Variants in FMO5 observed in about 807,000 individuals in gnomAD.
FMO5 encodes flavin containing dimethylaniline monoxygenase 5.
FMO5 carries 51 observed loss-of-function variants against 43.6 expected under a neutral mutation model. The ratio of observed to expected loss-of-function variants is 1.17; its 90% CI spans 0.93 to 1.48. The LOEUF is 1.48. Among genes scored for constraint, FMO5 ranks in the 40% most tolerant of loss-of-function variants. The probability of loss-of-function intolerance (pLI) is 0.00; values close to 1 mark genes in which losing one functional copy is unlikely to be tolerated. For missense variants in FMO5, 644 were observed against 643.0 expected, an observed-to-expected ratio of 1.00 and a Z score of -0.02; for synonymous variants, 187 against 216.5, an observed-to-expected ratio of 0.86 and a Z score of 1.20.
chr1:147,187,346 T>G, intron 8 of FMO5, 101 bp from the exon 9 acceptor site: 1 of 780,468 alleles, frequency 1.3e-6, no homozygotes, highest in Non-Finnish European at 2.0e-6. Flanking sequence ...AATATCAGAC[T>G]AGGAGCTGTG....
chr1:147,222,882 G>A (rs1200884075), intron 2 of FMO5, among the ~76,000 whole-genome samples: 2 of 152,152 alleles, frequency 1.3e-5, no homozygotes, highest in African/African-American at 4.8e-5. Flanking sequence ...TTGATTTCAT[G>A]CCTTTTCAGT....
intron 7 of FMO5, among the ~76,000 whole-genome samples, chr1:147,193,736 C>A (rs1657372428): frequency 6.6e-6 from 1 of 152,100 alleles, no homozygotes; most frequent in Non-Finnish European, 1.5e-5. Flanking sequence ...CAAAGAACAT[C>A]TTTATTTCTG....
chr1:147,200,046 T>TC lies in FMO5; in HGVS notation c.1183+1105dup, dbSNP rs587595262. On this transcript the variant is annotated intron_variant, in intron 7 of 8. Transcript: ENST00000254090. ...TGAGGCTTGAATCTACTCCATACCTTCCCCCTCTCCTGCCCCGGCCCAGTG... is the reference window on the plus strand; with the variant it reads ...TGAGGCTTGAATCTACTCCATACCTTCCCCCCTCTCCTGCCCCGGCCCAGTG... Among the ~76,000 whole-genome samples the TC allele has an allele frequency of 6.0e-3, 908 of 152,180 alleles. 4 individuals are homozygous for TC. The highest frequency in any genetic ancestry group is 0.01 in the Middle Eastern group (3 of 294).
In FMO5 at chr1:147,191,844, G is replaced by A. The variant is rs190311326; in HGVS notation, c.1184-1595C>T. Among the ~76,000 whole-genome samples the A allele has an allele frequency of 4.2e-3, 642 of 152,084 alleles. 4 individuals are homozygous for A. The highest frequency in any genetic ancestry group is 0.018 in the South Asian group (88 of 4,810). ...GTAGACATGCGGCATTATTTCTGAG[G>A]GCTCTGTCCTGTTCCATTGATCTAT... On this transcript the variant is annotated intron_variant, in intron 7 of 8. Transcript: ENST00000254090.
downstream of FMO5, among the ~76,000 whole-genome samples, chr1:147,184,944 AT>A (rs1257807402): frequency 4.6e-5 from 7 of 152,172 alleles, no homozygotes; most frequent in African/African-American, 1.7e-4. The surrounding 1 kb of genome is among the most constrained non-coding windows in gnomAD (Gnocchi z 4.4). Context: ...TACCCCATTT[AT>A]TAATGTATTC....
intron 6 of FMO5, among the ~76,000 whole-genome samples, chr1:147,202,216 T>C (rs1462195259): frequency 1.3e-5 from 2 of 151,756 alleles, no homozygotes; most frequent in Non-Finnish European, 2.9e-5. Context: ...CTGGAAACAT[T>C]GGGTTGGTGC....
At chr1:147,203,393 G>T in intron 6 of FMO5, 3 of 998,488 alleles carry the variant, frequency 3.0e-6, no homozygotes, top group South Asian at 2.6e-5. Context: ...TTAGCAGCGA[G>T]TTTGATAGAC....
At position 147,201,419 on chromosome 1, in the gene FMO5, C is replaced by A. The variant is rs145231434; in HGVS notation, c.916G>T (p.Glu306Ter). The change falls in exon 7 of 9, where the codon GAA becomes TAA. Residue 306 changes from glutamate to a stop codon, truncating the protein, a stop_gained. Coordinates refer to ENST00000254090, the MANE Select transcript of FMO5 (RefSeq NM_001461.4). LOFTEE classifies it high-confidence loss of function. ...GLVKVKGNVKEFTETAAIFED... is the reference protein window; with the variant it reads ...GLVKVKGNVK The stretch of plus-strand genomic sequence containing the variant: ...AATATGGCAGCTGTCTCCGTGAATT[C>A]CTTCACATTTCCTTTCACTTTCACC... The A allele has an allele frequency of 1.5e-5, 24 of 1,614,024 alleles. No homozygotes were observed. Among genetic ancestry groups the A allele is most frequent in the Non-Finnish European group, 1.9e-5 (23 of 1,180,020 alleles).
At chr1:147,184,653 A>T, downstream of FMO5, 2 of 1,506,542 alleles carry the variant, frequency 1.3e-6, no homozygotes, top group African/African-American at 2.8e-5. The surrounding 1 kb of genome is among the most constrained non-coding windows in gnomAD (Gnocchi z 4.4). Flanking sequence ...TTTTGAGAGG[A>T]ATACAACAGA....
At position 147,201,313 on chromosome 1, in the gene FMO5, T is replaced by A. The variant is rs1553920885; in HGVS notation, c.1022A>T (p.Asp341Val). ...GYSFDFPFLE[D>V]SVKVVKNKIS... ...CTTGTTTTTGACCACTTTGACGGAA[T>A]CTTCCAGAAATGGAAAGTCAAAGCT... is the stretch of plus-strand genomic sequence containing the variant. Residue 341 changes from aspartate to valine, a missense_variant, in exon 7 of 9, where the codon GAT becomes GTT. By Grantham distance (152) the Asp-to-Val change is radical (BLOSUM62 -3). Coordinates refer to ENST00000254090, the MANE Select transcript of FMO5 (RefSeq NM_001461.4). The A allele has an allele frequency of 2.5e-6, 4 of 1,614,182 alleles. No homozygotes were observed. The highest frequency in any genetic ancestry group is 2.2e-5 in the East Asian group (1 of 44,868).
Position 147,215,809 on chromosome 1 carries a change from T to G in FMO5, c.269A>C (p.Glu90Ala). The G allele has an allele frequency of 6.2e-7, 1 of 1,613,932 alleles. No individual in the cohort carries two copies. Among genetic ancestry groups the G allele is most frequent in the Non-Finnish European group, 8.5e-7 (1 of 1,179,872 alleles). Residue 90 changes from glutamate to alanine, a missense_variant, in exon 3 of 9, where the codon GAG becomes GCG. Glu to Ala is a moderately radical substitution (Grantham distance 107). Transcript: ENST00000254090. ...TTCTTTGGCATACATCCTGAAATACTCCAGGACCTGGGCATTATGCATGAA... is the reference window on the plus strand; with the variant it reads ...TTCTTTGGCATACATCCTGAAATACGCCAGGACCTGGGCATTATGCATGAA... ...PNFMHNAQVLEYFRMYAKEFD... is the reference protein window; with the variant it reads ...PNFMHNAQVLAYFRMYAKEFD...
At chr1:147,194,417 G>A (rs1179337479) in intron 7 of FMO5, among the ~76,000 whole-genome samples, 9 of 151,996 alleles carry the variant, frequency 5.9e-5, no homozygotes, top group African/African-American at 2.2e-4. Context: ...ACATGAGATG[G>A]GTTTCCTGAA....
chr1:147,208,768 G>A (rs1660559411), intron 6 of FMO5, 84 bp downstream of exon 6: 7 of 1,120,986 alleles, frequency 6.2e-6, no homozygotes, highest in Non-Finnish European at 9.4e-6. Flanking sequence ...TATGGGTAGA[G>A]GTGGCTTTAC....
At chr1:147,221,294 A>G (rs782594813) in intron 2 of FMO5, among the ~76,000 whole-genome samples, 3 of 152,206 alleles carry the variant, frequency 2.0e-5, no homozygotes, top group Non-Finnish European at 4.4e-5. Flanking sequence ...GTTAATAATA[A>G]TGTATCAATA....
intron 7 of FMO5, among the ~76,000 whole-genome samples, chr1:147,198,805 A>G (rs1658441332): frequency 7.1e-6 from 1 of 141,786 alleles, no homozygotes. Flanking sequence ...GGGCCGAGAT[A>G]GCGCCACTGC....
At chr1:147,207,494 G>C (rs28381200) in intron 6 of FMO5, among the ~76,000 whole-genome samples, 5,603 of 152,204 alleles carry the variant, frequency 0.037, 146 homozygotes, top group South Asian at 0.095. Flanking sequence ...TCATAACACT[G>C]TATGTATTTC....
chr1:147,212,271 T>C, intron 5 of FMO5, 122 bp downstream of exon 5: 1 of 983,280 alleles, frequency 1.0e-6, no homozygotes, highest in East Asian at 2.4e-5. Flanking sequence ...GCCCTATATT[T>C]GCCACTGGCA....
intron 7 of FMO5, among the ~76,000 whole-genome samples, chr1:147,193,009 T>C (rs1438013043): frequency 6.6e-6 from 1 of 152,176 alleles, no homozygotes; most frequent in Admixed American, 6.5e-5. Context: ...GGTATCAGGA[T>C]GATGCTGGCC....
chr1:147,212,453 TATA>T lies in FMO5; in HGVS notation c.567_569del (p.Ile191del). The T allele has an allele frequency of 6.2e-7, 1 of 1,614,032 alleles. No homozygotes were observed. Among genetic ancestry groups the T allele is most frequent in the Non-Finnish European group, 8.5e-7 (1 of 1,179,902 alleles). The stretch of plus-strand genomic sequence containing the variant: ...CCCCTCCAGAATTCCCAATGCCAAT[TATA>T]ATGACTCTCTTTCCAGTGAATCCCT... On this transcript the variant is annotated inframe_deletion, in exon 5 of 9. Coordinates refer to ENST00000254090, the MANE Select transcript of FMO5 (RefSeq NM_001461.4).
Sources: allele counts gnomAD v4.1 joint callset (sites outside exome capture counted in the v4.1 genomes callset), GRCh38; gene constraint gnomAD v4.1.1; non-coding constraint Gnocchi (gnomAD v3.1); transcripts MANE v1.5; gene names NCBI Gene and HGNC (gene_info 2026-07-23, HGNC 2026-07-21).